GATB: variants seen among roughly 807,000 people sequenced by gnomAD.
GATB encodes the protein glutamyl-tRNA amidotransferase subunit B.
GATB carries 39 observed loss-of-function variants against 62.3 expected under a neutral mutation model. That is an observed-to-expected ratio of 0.63 (90% CI 0.48 to 0.82). The LOEUF is 0.82. Among genes scored for constraint, GATB ranks in the 40% least tolerant of loss-of-function variants. The pLI is 0.00. For synonymous variants in GATB, 276 were observed against 258.9 expected (o/e 1.07, Z -0.63); for missense variants, 670 against 684.0 (o/e 0.98, Z 0.23).
chr4:151,699,890 G>T (rs1320242271), intron 9 of GATB, among the ~76,000 whole-genome samples: 4 of 152,298 alleles, frequency 2.6e-5, no homozygotes, highest in Non-Finnish European at 5.9e-5. Flanking sequence ...CTACCTCAAA[G>T]GGTTGGCTTG....
At chr4:151,685,331 C>A (rs1738221299) in intron 10 of GATB, among the ~76,000 whole-genome samples, 1 of 152,124 alleles carries the variant, frequency 6.6e-6, no homozygotes, top group African/African-American at 2.4e-5. Context: ...TCTAGTCCTC[C>A]CCAGGAGGCT....
At chr4:151,750,125 C>T (rs150767901) in intron 2 of GATB, among the ~76,000 whole-genome samples, 1,772 of 152,322 alleles carry the variant, frequency 0.012, 22 homozygotes, top group African/African-American at 0.037. Flanking sequence ...TCGTGATCCG[C>T]CCACCTCGGT....
At chr4:151,696,753 TTC>T (rs1204661617) in intron 9 of GATB, among the ~76,000 whole-genome samples, 2 of 152,242 alleles carry the variant, frequency 1.3e-5, no homozygotes, top group African/African-American at 2.4e-5. Flanking sequence ...TGCTTTTGTG[TTC>T]TCTGAGTGAA....
intron 10 of GATB, among the ~76,000 whole-genome samples, chr4:151,687,684 G>T (rs1048108346): frequency 1.3e-5 from 2 of 152,174 alleles, no homozygotes; most frequent in African/African-American, 2.4e-5. Flanking sequence ...CGAGGGTGTG[G>T]TCCCCATAGT....
At chr4:151,737,340 G>C (rs1739396519) in intron 2 of GATB, among the ~76,000 whole-genome samples, 1 of 152,216 alleles carries the variant, frequency 6.6e-6, no homozygotes, top group Non-Finnish European at 1.5e-5. Context: ...CTGGAGATGT[G>C]TGGAACTTTG....
At chr4:151,758,352 C>G (rs1739878644) in intron 2 of GATB, among the ~76,000 whole-genome samples, 1 of 152,186 alleles carries the variant, frequency 6.6e-6, no homozygotes, top group Admixed American at 6.5e-5. Context: ...ACAGTCCTTT[C>G]TTTTACTGAA....
At chr4:151,722,114 C>G (rs992903409) in intron 2 of GATB, 4 of 675,836 alleles carry the variant, frequency 5.9e-6, no homozygotes, top group Admixed American at 4.7e-5. Context: ...AAGGAATTTC[C>G]TAGGATCTTA....
At chr4:151,743,542 G>T (rs1739538341) in intron 2 of GATB, among the ~76,000 whole-genome samples, 1 of 152,292 alleles carries the variant, frequency 6.6e-6, no homozygotes, top group Middle Eastern at 3.4e-3. Context: ...TAAAATAATA[G>T]CCACCTACAT....
At chr4:151,688,271 G>C (rs539180389) in intron 10 of GATB, among the ~76,000 whole-genome samples, 1 of 152,168 alleles carries the variant, frequency 6.6e-6, no homozygotes, top group Non-Finnish European at 1.5e-5. Context: ...TCCCCTTTTT[G>C]TGCATTCCCA....
intron 4 of GATB, 151 bp from the exon 5 acceptor site, chr4:151,716,282 T>C: frequency 2.6e-6 from 2 of 781,356 alleles, no homozygotes; most frequent in Admixed American, 3.6e-5. Context: ...CCCACCTTTT[T>C]TTTTTTTTTT....
intron 3 of GATB, among the ~76,000 whole-genome samples, chr4:151,718,851 A>G (rs1738966911): frequency 6.6e-6 from 1 of 152,238 alleles, no homozygotes; most frequent in Non-Finnish European, 1.5e-5. Flanking sequence ...AATTTTCAGA[A>G]AAAAGCGGGT....
At position 151,708,047 on chromosome 4, in the gene GATB, A is replaced by T. The variant is rs766121462; in HGVS notation, c.818T>A (p.Leu273Ter). The T allele has an allele frequency of 2.7e-5, 44 of 1,614,038 alleles. No individual in the cohort carries two copies. Residue 273 changes from leucine to a stop codon, truncating the protein, a stop_gained, in exon 6 of 13, where the codon TTG (leucine) becomes TAG (stop). Coordinates refer to ENST00000263985, the MANE Select transcript of GATB (RefSeq NM_004564.3). LOFTEE classifies it high-confidence loss of function. ...ATTCTTCACTTCCGTTCGAACGCCC[A>T]AAGGCTCCCCAGGGTGATGCACGGA... The part of the protein sequence containing the change: ...NISVHHPGEP[L>*]GVRTEVKNLN...
rs1417886040 is a variant in GATB at position 151,760,837 on chromosome 4, G to C, written c.146C>G (p.Pro49Arg). The C allele has an allele frequency of 1.2e-6, 2 of 1,611,198 alleles. No homozygotes were observed. Among genetic ancestry groups the C allele is most frequent in the Non-Finnish European group, 1.7e-6 (2 of 1,178,588 alleles). ...CCTCGTCTTCTGGGCCGTGTGGAGG[G>C]GCTGCTGAGCCACTGAGCTCTCTCC... ...IRGESSVAQQ[P>R]LHTAQKTRKG... The change falls in exon 1 of 13, where the codon CCC (proline) becomes CGC (arginine). Residue 49 changes from proline (P) to arginine (R), a missense_variant. Transcript: ENST00000263985.
intron 1 of GATB, among the ~76,000 whole-genome samples, chr4:151,759,751 T>C (rs1460684660): frequency 6.6e-6 from 1 of 152,184 alleles, no homozygotes; most frequent in Non-Finnish European, 1.5e-5. Flanking sequence ...TCCATGTATG[T>C]TCCTATCCTG....
intron 2 of GATB, among the ~76,000 whole-genome samples, chr4:151,742,525 G>A (rs1032392837): frequency 6.6e-6 from 1 of 152,190 alleles, no homozygotes; most frequent in Non-Finnish European, 1.5e-5. Flanking sequence ...CCTTAATAAA[G>A]TTTCAGCCAG....
intron 2 of GATB, among the ~76,000 whole-genome samples, chr4:151,748,862 A>T (rs1394375253): frequency 2.0e-5 from 3 of 152,258 alleles, no homozygotes; most frequent in Admixed American, 1.3e-4. Context: ...ATGAATAGAC[A>T]CTTCTCAAAA....
rs1045690695 is a variant in GATB, at chr4:151,679,820, G to C, written c.1403C>G (p.Ala468Gly). ...TCGGGAGTGTGGACATACCTGTTTA[G>C]CTGCTGATGAAGAAATTGTTCTGCT... ...LDSRTISSSA[A>G]KQVFEELWKR... The change falls in exon 11 of 13, where the codon GCT becomes GGT. Residue 468 changes from alanine to glycine, a missense_variant. Transcript: ENST00000263985. 6.2e-7 allele frequency: 1 copy of C among 1,613,912 alleles called. No individual in the cohort carries two copies. Among genetic ancestry groups the C allele is most frequent in the Non-Finnish European group, 8.5e-7 (1 of 1,179,766 alleles).
At chr4:151,696,639 CA>C (rs980317619) in intron 9 of GATB, among the ~76,000 whole-genome samples, 1 of 152,154 alleles carries the variant, frequency 6.6e-6, no homozygotes, top group African/African-American at 2.4e-5. Context: ...GTCCCTGCCT[CA>C]GAGGGTTGCT....
chr4:151,727,354 C>T (rs1739156989), intron 2 of GATB, among the ~76,000 whole-genome samples: 2 of 152,232 alleles, frequency 1.3e-5, no homozygotes, highest in African/African-American at 4.8e-5. Context: ...AAAGAGCTCT[C>T]CCATGATACA....
Sources: gnomAD v4.1 joint callset for allele counts (sites outside exome capture counted in the v4.1 genomes callset) on GRCh38, gnomAD v4.1.1 for gene constraint, MANE v1.5 for transcripts, NCBI Gene and HGNC (gene_info 2026-07-23, HGNC 2026-07-21) for gene names.